RABGAP1L: variants seen among roughly 807,000 people sequenced by gnomAD.
RABGAP1L encodes RAB GTPase activating protein 1 like.
RABGAP1L carries 63 observed loss-of-function variants against 137.7 expected under a neutral mutation model. That is an observed-to-expected ratio of 0.46 (90% CI 0.37 to 0.56). The LOEUF (loss-of-function observed/expected upper bound fraction) is 0.56. Ranked by LOEUF, RABGAP1L falls within the 20% of genes least tolerant of loss-of-function variation. RABGAP1L has a pLI of 0.00. For missense variants in RABGAP1L, 1,095 were observed against 1,244.0 expected (o/e 0.88, Z 1.80); for synonymous variants, 431 against 433.7 (o/e 0.99, Z 0.08).
intron 13 of RABGAP1L, among the ~76,000 whole-genome samples, chr1:174,540,259 G>T (rs932830677): frequency 7.2e-5 from 11 of 152,184 alleles, no homozygotes; most frequent in African/African-American, 1.7e-4. Context: ...TTCACTCTGA[G>T]GGTAGTTCCT....
At chr1:174,543,277 T>C (rs902052286) in intron 13 of RABGAP1L, among the ~76,000 whole-genome samples, 3 of 152,144 alleles carry the variant, frequency 2.0e-5, no homozygotes, top group Non-Finnish European at 4.4e-5. Flanking sequence ...TCTGGATGCT[T>C]CTGTATTGGG....
intron 17 of RABGAP1L, among the ~76,000 whole-genome samples, chr1:174,712,803 C>G (rs867238555): frequency 2.0e-5 from 3 of 152,214 alleles, no homozygotes; most frequent in Non-Finnish European, 2.9e-5. Flanking sequence ...CCAACCTCCC[C>G]AGCCAAACTT....
chr1:174,608,599 G>T (rs1315074128), intron 13 of RABGAP1L, among the ~76,000 whole-genome samples: 1 of 152,130 alleles, frequency 6.6e-6, no homozygotes, highest in African/African-American at 2.4e-5. Context: ...TCAGACAGAG[G>T]AAATTACACA....
At chr1:174,247,537 T>C (rs1672366073) in intron 5 of RABGAP1L, among the ~76,000 whole-genome samples, 1 of 152,220 alleles carries the variant, frequency 6.6e-6, no homozygotes, top group African/African-American at 2.4e-5. Flanking sequence ...GCCAGCAACC[T>C]ATAATATACA....
At chr1:174,913,947 C>T (rs1282725008) in intron 19 of RABGAP1L, among the ~76,000 whole-genome samples, 1 of 152,118 alleles carries the variant, frequency 6.6e-6, no homozygotes, top group Non-Finnish European at 1.5e-5. Flanking sequence ...ATACTATTGT[C>T]CAGGATAGAT....
intron 20 of RABGAP1L, among the ~76,000 whole-genome samples, chr1:174,963,677 A>C (rs1419249436): frequency 1.3e-5 from 2 of 151,938 alleles, no homozygotes; most frequent in Non-Finnish European, 2.9e-5. Flanking sequence ...ACTGTGGTTT[A>C]TAGGCCAAAT....
At chr1:174,614,521 C>T (rs2148229978) in intron 13 of RABGAP1L, among the ~76,000 whole-genome samples, 1 of 152,274 alleles carries the variant, frequency 6.6e-6, no homozygotes, top group South Asian at 2.1e-4. Context: ...TTTTTTCCTT[C>T]ATTTCAGCTT....
chr1:174,316,584 A>G (rs942231348), intron 11 of RABGAP1L, among the ~76,000 whole-genome samples: 25 of 152,118 alleles, frequency 1.6e-4, no homozygotes, highest in Non-Finnish European at 2.8e-4. Context: ...CTTTCTCCCA[A>G]ACAAACATTC....
intron 19 of RABGAP1L, 27 bp from the exon 20 acceptor site, chr1:174,957,430 A>G (rs1668650384): frequency 1.3e-6 from 2 of 1,565,380 alleles, no homozygotes; most frequent in Non-Finnish European, 1.8e-6. Context: ...GTCCTTGTCT[A>G]ACATGGTTTT....
chr1:174,657,822 G>A (rs939196265), intron 14 of RABGAP1L, among the ~76,000 whole-genome samples: 28 of 152,098 alleles, frequency 1.8e-4, no homozygotes, highest in African/African-American at 6.3e-4. Flanking sequence ...CATACTGCTT[G>A]TGTAGTCGTT....
intron 19 of RABGAP1L, among the ~76,000 whole-genome samples, chr1:174,880,278 C>A (rs1278399318): frequency 6.6e-6 from 1 of 152,016 alleles, no homozygotes; most frequent in East Asian, 1.9e-4. Flanking sequence ...TGTAGATAAT[C>A]TTTAAATTTT....
intron 11 of RABGAP1L, among the ~76,000 whole-genome samples, chr1:174,346,899 A>G (rs540050178): frequency 6.6e-6 from 1 of 151,986 alleles, no homozygotes; most frequent in South Asian, 2.1e-4. Flanking sequence ...GCTGTATCCC[A>G]TAGGTTTTAG....
chr1:174,311,428 G>T (rs1447665647), intron 11 of RABGAP1L, among the ~76,000 whole-genome samples: 1 of 152,096 alleles, frequency 6.6e-6, no homozygotes, highest in Non-Finnish European at 1.5e-5. Context: ...TTGGGTGGGG[G>T]ATGCAAAGCC....
chr1:174,982,982 A>C, intron 24 of RABGAP1L, 77 bp downstream of exon 24: 1 of 1,383,582 alleles, frequency 7.2e-7, no homozygotes, highest in Non-Finnish European at 1.0e-6. Context: ...AGAACCCCAA[A>C]CACCACCATT....
intron 13 of RABGAP1L, among the ~76,000 whole-genome samples, chr1:174,565,883 CATTTTT>C (rs1667548615): frequency 7.5e-6 from 1 of 133,186 alleles, no homozygotes; most frequent in Non-Finnish European, 1.6e-5. Flanking sequence ...GAATCCTTTA[CATTTTT>C]TTTTTTTTTT....
chr1:174,675,305 A>G (rs1406121884), intron 14 of RABGAP1L, among the ~76,000 whole-genome samples: 3 of 151,280 alleles, frequency 2.0e-5, no homozygotes, highest in Admixed American at 6.6e-5. Context: ...CTTTCTGCAT[A>G]TGGCTAGCCA....
rs1301383685 is a variant in RABGAP1L at position 174,708,325 on chromosome 1, A to G, written c.2169+6069A>G. Among the ~76,000 whole-genome samples the G allele has an allele frequency of 4.6e-5, 7 of 152,188 alleles. No homozygotes were observed. In the South Asian group the frequency reaches 1.5e-3, roughly 32 times the overall value. On this transcript the variant is annotated intron_variant, in intron 17 of 25. Transcript: ENST00000681986. Reference sequence around the variant, plus strand: ...TCAGAATGAGCTTAATACAAGCAAGATTAAGACTCTGACATAGGGGAGCTG... The same window carrying G: ...TCAGAATGAGCTTAATACAAGCAAGGTTAAGACTCTGACATAGGGGAGCTG...
At chr1:174,349,029 G>A (rs1465718871) in intron 11 of RABGAP1L, among the ~76,000 whole-genome samples, 1 of 150,036 alleles carries the variant, frequency 6.7e-6, no homozygotes, top group Admixed American at 6.7e-5. Flanking sequence ...CTCCCGGACA[G>A]GGCGGCTGGC....
intron 13 of RABGAP1L, among the ~76,000 whole-genome samples, chr1:174,612,586 G>T (rs1422448722): frequency 6.6e-6 from 1 of 152,062 alleles, no homozygotes; most frequent in Non-Finnish European, 1.5e-5. Flanking sequence ...GAGTTAGGGA[G>T]GATTCCCTCT....
Sources: gnomAD v4.1 joint callset for allele counts (sites outside exome capture counted in the v4.1 genomes callset) on GRCh38, gnomAD v4.1.1 for gene constraint, MANE v1.5 for transcripts, NCBI Gene and HGNC (gene_info 2026-07-23, HGNC 2026-07-21) for gene names.